The following PTPRO variants were observed in gnomAD, a reference collection of about 807,000 sequenced individuals.
PTPRO encodes the protein receptor-type tyrosine-protein phosphatase O.
A neutral mutation model predicts 145.2 loss-of-function variants in PTPRO; 62 were observed. That is an observed-to-expected ratio of 0.43 (90% CI 0.35 to 0.53). The LOEUF is 0.53. PTPRO is among the 20% of genes least tolerant of loss of function. The pLI is 0.01. For missense variants in PTPRO, 1,345 were observed against 1,482.7 expected, an observed-to-expected ratio of 0.91 and a Z score of 1.53; for synonymous variants, 565 against 514.7, an observed-to-expected ratio of 1.10 and a Z score of -1.32.
intron 25 of PTPRO, among the ~76,000 whole-genome samples, chr12:15,594,727 A>T (rs888858488): frequency 5.3e-5 from 8 of 152,108 alleles, no homozygotes; most frequent in South Asian, 2.1e-4. Flanking sequence ...CTGTTTTTTT[A>T]AAAAAGCCAT....
intron 1 of PTPRO, among the ~76,000 whole-genome samples, chr12:15,442,258 T>A (rs887553899): frequency 4.6e-5 from 7 of 152,100 alleles, no homozygotes; most frequent in African/African-American, 1.7e-4. Flanking sequence ...AATATGATTA[T>A]CTCAGACACA....
At chr12:15,554,414 G>GTA (rs573367538) in intron 15 of PTPRO, among the ~76,000 whole-genome samples, 6,927 of 149,308 alleles carry the variant, frequency 0.046, 469 homozygotes, top group African/African-American at 0.15. Flanking sequence ...GTGTGTGTGT[G>GTA]TATATATATA....
chr12:15,535,950 TTC>T lies in PTPRO; in HGVS notation c.2164+9694_2164+9695del, dbSNP rs144262989. On this transcript the variant is annotated intron_variant, in intron 12 of 26. Transcript: ENST00000281171. ...AAGTATTTGGGGGATAGTAGGCTTT[TTC>T]TCTCTGTCTCTCTCAAATATGGTTA... 9.2e-3 allele frequency among the ~76,000 whole-genome samples: 1,400 copies of T among 152,346 alleles called. 22 individuals are homozygous for T. Among genetic ancestry groups the T allele is most frequent in the African/African-American group, 0.031 (1,306 of 41,582 alleles).
chr12:15,597,703 T>C lies in PTPRO; in HGVS notation c.*1630T>C, dbSNP rs1354093834. Among the ~76,000 whole-genome samples the C allele has an allele frequency of 6.6e-6, 1 of 152,208 alleles. No individual in the cohort carries two copies. The highest frequency in any genetic ancestry group is 2.4e-5 in the African/African-American group (1 of 41,454). On this transcript the variant is annotated 3_prime_UTR_variant, in exon 27 of 27. Transcript: ENST00000281171. ...CAGGGTGAATGGCAGAGGATGCCCA[T>C]ACCCTGCAGGTTAACAGCTTGGGCT...
chr12:15,589,507 C>A lies in PTPRO; in HGVS notation c.3463C>A (p.His1155Asn), dbSNP rs61757814. ...TFIALDRLLQ[H>N]IRDHEFVDIL... ...CATTGCCCTGGACAGGCTCTTGCAG[C>A]ACATTCGGGATCATGAGTTTGTTGA... The change falls in exon 25 of 27, where the codon CAC becomes AAC. Residue 1155 changes from histidine to asparagine, a missense_variant. His to Asn is a moderately conservative substitution (Grantham distance 68). Around this residue, in one of 3 missense-constraint regions of PTPRO, gnomAD observed 208 missense variants for 242.8 expected, o/e 0.86. Transcript: ENST00000281171. The A allele has an allele frequency of 6.2e-7, 1 of 1,613,940 alleles. No homozygotes were observed.
intron 9 of PTPRO, among the ~76,000 whole-genome samples, chr12:15,519,548 G>C (rs546019163): frequency 6.6e-6 from 1 of 152,296 alleles, no homozygotes; most frequent in South Asian, 2.1e-4. Flanking sequence ...AGTGCTTACT[G>C]CTTCTCCTGG....
At chr12:15,575,673 C>T (rs1167574895) in intron 19 of PTPRO, among the ~76,000 whole-genome samples, 1 of 152,192 alleles carries the variant, frequency 6.6e-6, no homozygotes, top group Non-Finnish European at 1.5e-5. Context: ...CCTATGGCTG[C>T]CATAACAAAT....
chr12:15,343,831 C>T (rs1027312621), intron 1 of PTPRO, among the ~76,000 whole-genome samples: 7 of 152,270 alleles, frequency 4.6e-5, no homozygotes, highest in Non-Finnish European at 7.4e-5. Context: ...CCAGAGGCGC[C>T]TGCCACCACG....
intron 1 of PTPRO, among the ~76,000 whole-genome samples, chr12:15,325,190 T>C (rs1866412125): frequency 6.6e-6 from 1 of 152,186 alleles, no homozygotes; most frequent in Non-Finnish European, 1.5e-5. Flanking sequence ...AGAGTGAAAA[T>C]TCTGAAGGAA....
intron 1 of PTPRO, among the ~76,000 whole-genome samples, chr12:15,356,871 G>T (rs145388135): frequency 7.2e-4 from 110 of 151,838 alleles, no homozygotes; most frequent in African/African-American, 2.3e-3. Context: ...TCCTTTCTGT[G>T]CTATGGTAGA....
intron 19 of PTPRO, among the ~76,000 whole-genome samples, chr12:15,577,798 T>C (rs1349511955): frequency 1.3e-5 from 2 of 152,194 alleles, no homozygotes; most frequent in Non-Finnish European, 2.9e-5. Flanking sequence ...TGGTTGCACA[T>C]TGTACAACTC....
At chr12:15,595,406 C>A (rs944070150) in intron 26 of PTPRO, 2 of 292,856 alleles carry the variant, frequency 6.8e-6, no homozygotes, top group Admixed American at 4.4e-5. Flanking sequence ...ATATCTTGTG[C>A]AAATATTTTA....
At chr12:15,524,386 T>G (rs1344950619) in intron 10 of PTPRO, among the ~76,000 whole-genome samples, 1 of 152,194 alleles carries the variant, frequency 6.6e-6, no homozygotes, top group East Asian at 1.9e-4. Flanking sequence ...CATAAACACC[T>G]TTGCTGCAAG....
At chr12:15,442,095 T>G (rs1473902244) in intron 1 of PTPRO, among the ~76,000 whole-genome samples, 1 of 151,894 alleles carries the variant, frequency 6.6e-6, no homozygotes, top group East Asian at 1.9e-4. Flanking sequence ...GATGCAAAAA[T>G]GTTCAACAAA....
chr12:15,551,770 A>G (rs1316626141), intron 15 of PTPRO, 99 bp downstream of exon 15: 13 of 1,343,682 alleles, frequency 9.7e-6, no homozygotes, highest in Non-Finnish European at 1.3e-5. Context: ...ATAGCGGTAT[A>G]TTGGATTTTA....
intron 2 of PTPRO, among the ~76,000 whole-genome samples, chr12:15,495,085 A>C (rs1159917064): frequency 6.6e-6 from 1 of 152,042 alleles, no homozygotes; most frequent in Non-Finnish European, 1.5e-5. Context: ...TACGTAAGTG[A>C]GTTAGTGAGT....
At chr12:15,331,962 C>CTTTTTTT (rs200334215) in intron 1 of PTPRO, among the ~76,000 whole-genome samples, 8 of 118,268 alleles carry the variant, frequency 6.8e-5, no homozygotes, top group South Asian at 3.0e-4. Flanking sequence ...CTCTTTCTTT[C>CTTTTTTT]TTTTTTTTTT....
intron 12 of PTPRO, among the ~76,000 whole-genome samples, chr12:15,535,079 AG>A (rs1297923209): frequency 6.6e-6 from 1 of 152,212 alleles, no homozygotes; most frequent in Non-Finnish European, 1.5e-5. Flanking sequence ...TTGAGCAACT[AG>A]GACAAATGGT....
intron 1 of PTPRO, among the ~76,000 whole-genome samples, chr12:15,442,606 C>G (rs1246347746): frequency 6.6e-6 from 1 of 152,098 alleles, no homozygotes; most frequent in Admixed American, 6.6e-5. Context: ...AAAGACTCCA[C>G]CAAAAGCCTC....
Sources: allele counts gnomAD v4.1 joint callset (sites outside exome capture counted in the v4.1 genomes callset), GRCh38; gene constraint gnomAD v4.1.1; regional missense constraint gnomAD v4.1.1; transcripts MANE v1.5; gene names NCBI Gene and HGNC (gene_info 2026-07-23, HGNC 2026-07-21).